Variants in RIPOR3 observed in about 807,000 individuals in gnomAD.
RIPOR3 encodes family with sequence similarity 65 member C.
Under a neutral mutation model 114.3 loss-of-function variants are expected in RIPOR3, and 95 were observed. The observed-to-expected ratio is 0.83, with a 90% CI of 0.70 to 0.99. The LOEUF (loss-of-function observed/expected upper bound fraction) is 0.99. Ranked by LOEUF, RIPOR3 falls within the 50% of genes least tolerant of loss-of-function variation. RIPOR3 has a pLI of 0.00. For missense variants in RIPOR3, 1,252 were observed against 1,266.9 expected (o/e 0.99, Z 0.18); for synonymous variants, 575 against 543.8 (o/e 1.06, Z -0.80).
intron 1 of RIPOR3, among the ~76,000 whole-genome samples, chr20:50,675,462 GAAGTT>G (rs1321942621): frequency 2.0e-5 from 3 of 152,240 alleles, no homozygotes; most frequent in African/African-American, 7.2e-5. Context: ...AAGACTCAGA[GAAGTT>G]AAGGGACTCA....
chr20:50,669,586 C>T (rs577575659), intron 1 of RIPOR3, among the ~76,000 whole-genome samples: 2 of 152,326 alleles, frequency 1.3e-5, no homozygotes, highest in South Asian at 4.1e-4. Flanking sequence ...CCGCTGCGCA[C>T]TGACCCTCTG....
chr20:50,680,343 C>T (rs2123601159), intron 1 of RIPOR3, among the ~76,000 whole-genome samples: 1 of 152,312 alleles, frequency 6.6e-6, no homozygotes, highest in Non-Finnish European at 1.5e-5. Flanking sequence ...CACTAACAGC[C>T]GGGTTTCACG....
chr20:50,686,900 A>G (rs2087047824), intron 1 of RIPOR3, among the ~76,000 whole-genome samples: 1 of 152,114 alleles, frequency 6.6e-6, no homozygotes, highest in Non-Finnish European at 1.5e-5. Flanking sequence ...ACTATAAGAG[A>G]GCGGAACTTG....
intron 1 of RIPOR3, among the ~76,000 whole-genome samples, chr20:50,690,031 T>A (rs1163298764): frequency 6.6e-6 from 1 of 152,236 alleles, no homozygotes; most frequent in Non-Finnish European, 1.5e-5. Flanking sequence ...AGACACGAGC[T>A]GACTTTATCT....
chr20:50,596,338 T>C (rs1388369100), intron 14 of RIPOR3, 75 bp from the exon 15 acceptor site: 1 of 1,585,934 alleles, frequency 6.3e-7, no homozygotes, highest in Non-Finnish European at 8.6e-7. Context: ...GAACCCTCCC[T>C]TCCCAGCGAG....
chr20:50,657,099 C>A (rs1196189151), intron 1 of RIPOR3, among the ~76,000 whole-genome samples: 2 of 152,172 alleles, frequency 1.3e-5, no homozygotes, highest in Non-Finnish European at 2.9e-5. Context: ...TATGAGAGAA[C>A]CCTGTGGCCA....
intron 12 of RIPOR3, among the ~76,000 whole-genome samples, chr20:50,604,051 G>C (rs548031590): frequency 6.6e-6 from 1 of 152,032 alleles, no homozygotes; most frequent in Non-Finnish European, 1.5e-5. Context: ...ATGTGGTGGC[G>C]TGTGCCTGTA....
intron 1 of RIPOR3, among the ~76,000 whole-genome samples, chr20:50,669,918 A>G (rs1342545241): frequency 6.6e-6 from 1 of 151,672 alleles, no homozygotes; most frequent in Non-Finnish European, 1.5e-5. Context: ...GTACTTTGGG[A>G]GGCCAAGGCG....
chr20:50,668,064 C>A (rs73121775), intron 1 of RIPOR3, among the ~76,000 whole-genome samples: 8,975 of 152,216 alleles, frequency 0.059, 280 homozygotes, highest in African/African-American at 0.078. Context: ...ACCCTGGGAA[C>A]CTTAGCATCA....
chr20:50,658,094 G>T (rs1456673776), intron 1 of RIPOR3, among the ~76,000 whole-genome samples: 3 of 152,026 alleles, frequency 2.0e-5, no homozygotes, highest in African/African-American at 7.3e-5. Context: ...AAACTTCTGG[G>T]TATGTACCCA....
chr20:50,681,636 C>A (rs2086865932), intron 1 of RIPOR3, among the ~76,000 whole-genome samples: 1 of 152,224 alleles, frequency 6.6e-6, no homozygotes, highest in Non-Finnish European at 1.5e-5. Flanking sequence ...AAATAATTAA[C>A]AGCAATATCT....
At chr20:50,623,312 T>C (rs1411438980) in intron 2 of RIPOR3, among the ~76,000 whole-genome samples, 2 of 137,294 alleles carry the variant, frequency 1.5e-5, no homozygotes, top group Non-Finnish European at 3.3e-5. Context: ...GTTTGGTAAA[T>C]ATTAAGCTCA....
intron 1 of RIPOR3, among the ~76,000 whole-genome samples, chr20:50,635,001 CCAGCCTGGA>C (rs1255090968): frequency 2.0e-5 from 3 of 152,180 alleles, no homozygotes; most frequent in Non-Finnish European, 4.4e-5. Flanking sequence ...CCACTAAACT[CCAGCCTGGA>C]CAACAGAGCT....
intron 17 of RIPOR3, among the ~76,000 whole-genome samples, chr20:50,594,257 CAG>C (rs1393705317): frequency 2.2e-5 from 3 of 136,470 alleles, no homozygotes; most frequent in African/African-American, 5.6e-5. Flanking sequence ...GCCTGGGCGA[CAG>C]AGTGAGACTC....
chr20:50,636,970 G>A (rs1304918303), intron 1 of RIPOR3: 1 of 966,420 alleles, frequency 1.0e-6, no homozygotes, highest in Admixed American at 6.2e-5. Flanking sequence ...TGCCAGCTAG[G>A]GCTTAGTTTG....
chr20:50,666,226 T>TCTTTTCTTTTCTC (rs1555873214), intron 1 of RIPOR3, among the ~76,000 whole-genome samples: 1 of 139,740 alleles, frequency 7.2e-6, no homozygotes, highest in Non-Finnish European at 1.5e-5. Context: ...TCTTTTCTTT[T>TCTTTTCTTTTCTC]TTGAGACGGA....
intron 18 of RIPOR3, 31 bp downstream of exon 18, chr20:50,593,004 C>T (rs752874926): frequency 5.0e-6 from 8 of 1,611,406 alleles, no homozygotes; most frequent in East Asian, 2.2e-5. Context: ...GGATATTCCT[C>T]TGCTATGACA....
intron 1 of RIPOR3, among the ~76,000 whole-genome samples, chr20:50,639,295 C>G (rs1485556907): frequency 6.6e-6 from 1 of 151,956 alleles, no homozygotes; most frequent in Non-Finnish European, 1.5e-5. Context: ...AACACGGCTA[C>G]AGGACTTGTG....
At chr20:50,630,916 G>A (rs2084800139) in intron 1 of RIPOR3, 60 bp from the exon 2 acceptor site, 1 of 1,371,884 alleles carries the variant, frequency 7.3e-7, no homozygotes, top group Non-Finnish European at 1.0e-6. Flanking sequence ...GCCGTCCGCA[G>A]GCCAGCCACC....
Sources: allele counts gnomAD v4.1 joint callset (sites outside exome capture counted in the v4.1 genomes callset), GRCh38; gene constraint gnomAD v4.1.1; transcripts MANE v1.5; gene names NCBI Gene and HGNC (gene_info 2026-07-23, HGNC 2026-07-21).